Variants in SNX29 observed in about 807,000 individuals in gnomAD.
SNX29 encodes the protein sorting nexin-29.
A neutral mutation model predicts 102.1 loss-of-function variants in SNX29; 78 were observed. The observed-to-expected ratio is 0.76, with a 90% CI of 0.64 to 0.92. The LOEUF is 0.92. Ranked by LOEUF, SNX29 falls within the 40% of genes least tolerant of loss-of-function variation. The pLI is 0.00. For missense variants in SNX29, 1,280 were observed against 1,061.7 expected (o/e 1.21, Z -2.86); for synonymous variants, 580 against 414.5 (o/e 1.40, Z -4.85).
chr16:12,349,407 C>T (rs921387037), intron 15 of SNX29, among the ~76,000 whole-genome samples: 1 of 152,204 alleles, frequency 6.6e-6, no homozygotes, highest in African/African-American at 2.4e-5. Flanking sequence ...TTCTAGTTTT[C>T]TTAGTTTTCA....
intron 20 of SNX29, among the ~76,000 whole-genome samples, chr16:12,561,900 G>C (rs1469941219): frequency 6.6e-6 from 1 of 152,168 alleles, no homozygotes; most frequent in African/African-American, 2.4e-5. Context: ...GGCATCCCAG[G>C]AGTTCCTTCT....
At chr16:12,510,570 G>C (rs2089569892) in intron 19 of SNX29, among the ~76,000 whole-genome samples, 1 of 152,088 alleles carries the variant, frequency 6.6e-6, no homozygotes, top group Non-Finnish European at 1.5e-5. Context: ...CTACTTGGGA[G>C]GTTGAGGCAG....
intron 16 of SNX29, among the ~76,000 whole-genome samples, chr16:12,357,190 G>A (rs960013549): frequency 1.3e-5 from 2 of 152,136 alleles, no homozygotes; most frequent in Non-Finnish European, 2.9e-5. Flanking sequence ...TGTAATGCAC[G>A]CTCATATATC....
At chr16:12,303,944 A>G (rs2151108211) in intron 15 of SNX29, among the ~76,000 whole-genome samples, 1 of 152,168 alleles carries the variant, frequency 6.6e-6, no homozygotes, top group Non-Finnish European at 1.5e-5. Context: ...GCCCATTTTC[A>G]GTGGCGTTTG....
At chr16:12,401,391 G>A (rs561036903) in intron 17 of SNX29, among the ~76,000 whole-genome samples, 77 of 127,018 alleles carry the variant, frequency 6.1e-4, no homozygotes, top group African/African-American at 2.2e-3. Flanking sequence ...TTGAGATGGA[G>A]TCTCACTCTG....
chr16:11,994,155 G>T (rs1676061227), intron 1 of SNX29, among the ~76,000 whole-genome samples: 1 of 152,100 alleles, frequency 6.6e-6, no homozygotes, highest in Non-Finnish European at 1.5e-5. Context: ...ATTAAAGAGA[G>T]ACCCAACTAG....
At chr16:12,132,616 C>G (rs1051987973) in intron 13 of SNX29, among the ~76,000 whole-genome samples, 3 of 152,154 alleles carry the variant, frequency 2.0e-5, no homozygotes, top group Non-Finnish European at 4.4e-5. Context: ...AGTGAGGCGT[C>G]TTAAGTGTAT....
At chr16:12,092,578 A>G (rs1418563437) in intron 11 of SNX29, among the ~76,000 whole-genome samples, 3 of 152,166 alleles carry the variant, frequency 2.0e-5, no homozygotes, top group Non-Finnish European at 1.5e-5. Context: ...GAATGGGAAC[A>G]CTTGGTTTTG....
chr16:12,227,661 G>T (rs906543864), intron 14 of SNX29, among the ~76,000 whole-genome samples: 1 of 151,968 alleles, frequency 6.6e-6, no homozygotes. Flanking sequence ...GCACTTTGGC[G>T]GGCTGAGACA....
chr16:12,072,336 C>T (rs897654641), intron 10 of SNX29, among the ~76,000 whole-genome samples: 27 of 152,204 alleles, frequency 1.8e-4, no homozygotes, highest in African/African-American at 2.9e-4. Flanking sequence ...TTTTGAGATA[C>T]GTCCCATCAA....
intron 20 of SNX29, among the ~76,000 whole-genome samples, chr16:12,533,086 A>G (rs2076975284): frequency 6.6e-6 from 1 of 152,188 alleles, no homozygotes; most frequent in African/African-American, 2.4e-5. Context: ...AGCCCACATC[A>G]CACCTCCGGG....
At chr16:12,177,193 C>A (rs565601344) in intron 13 of SNX29, among the ~76,000 whole-genome samples, 11 of 152,280 alleles carry the variant, frequency 7.2e-5, no homozygotes, top group South Asian at 6.2e-4. Flanking sequence ...CTCAAGCGAT[C>A]CTCCCACCTC....
chr16:11,988,002 G>A lies in SNX29; in HGVS notation c.7+11189G>A, dbSNP rs182563348. Reference sequence around the variant, plus strand: ...AGCATTGGGGAATTTCACTTTAAATGTTTCTTGGAGGCTGGGTACGGTGGC... The same window carrying A: ...AGCATTGGGGAATTTCACTTTAAATATTTCTTGGAGGCTGGGTACGGTGGC... On this transcript the variant is annotated intron_variant, in intron 1 of 20. Transcript: ENST00000566228. 1.8e-4 allele frequency among the ~76,000 whole-genome samples: 27 copies of A among 152,220 alleles called. No individual in the cohort carries two copies. The South Asian group carries it at 2.5e-3, about 14-fold the overall frequency.
chr16:12,468,013 AC>A (rs1194133742), intron 18 of SNX29, among the ~76,000 whole-genome samples: 1 of 151,500 alleles, frequency 6.6e-6, no homozygotes, highest in Non-Finnish European at 1.5e-5. Context: ...GGCCCTGGTC[AC>A]CTCCAGTATC....
At chr16:12,289,811 C>G (rs2079731608) in intron 15 of SNX29, among the ~76,000 whole-genome samples, 1 of 152,056 alleles carries the variant, frequency 6.6e-6, no homozygotes, top group African/African-American at 2.4e-5. Context: ...CAAGAAGCCA[C>G]TTCTGGGTCC....
chr16:12,370,146 C>T (rs143856244), intron 16 of SNX29, among the ~76,000 whole-genome samples: 1,537 of 151,990 alleles, frequency 0.01, 11 homozygotes, highest in African/African-American at 0.019. Flanking sequence ...CGCTTAAATC[C>T]GGGAGGTGGA....
At chr16:12,549,494 T>C (rs1026273597) in intron 20 of SNX29, among the ~76,000 whole-genome samples, 1 of 74,972 alleles carries the variant, frequency 1.3e-5, no homozygotes, top group Non-Finnish European at 2.3e-5. Flanking sequence ...TCCTCACACA[T>C]ACAAAGATGT....
chr16:12,129,159 G>A (rs2054346113), intron 12 of SNX29, among the ~76,000 whole-genome samples: 1 of 152,228 alleles, frequency 6.6e-6, no homozygotes, highest in Non-Finnish European at 1.5e-5. Context: ...AATGAGACTA[G>A]ACGTTTATGA....
chr16:12,210,241 T>C (rs1338177618), intron 14 of SNX29, among the ~76,000 whole-genome samples: 2 of 152,040 alleles, frequency 1.3e-5, no homozygotes, highest in African/African-American at 4.8e-5. Flanking sequence ...AGGAGGCACA[T>C]GCCTTTACTT....
Sources: allele counts gnomAD v4.1 joint callset (sites outside exome capture counted in the v4.1 genomes callset), GRCh38; gene constraint gnomAD v4.1.1; transcripts MANE v1.5; gene names NCBI Gene and HGNC (gene_info 2026-07-23, HGNC 2026-07-21).